ZNF577: variants seen among roughly 807,000 people sequenced by gnomAD.
ZNF577 encodes zinc finger protein 577.
Under a neutral mutation model 13.9 loss-of-function variants are expected in ZNF577, and 14 were observed. That is an observed-to-expected ratio of 1.00 (90% confidence interval 0.66 to 1.57). The LOEUF is 1.57. Ranked by LOEUF, ZNF577 falls within the 40% of genes most tolerant of loss-of-function variation. ZNF577 has a pLI of 0.00. For synonymous variants in ZNF577, 203 were observed against 202.9 expected (o/e 1.00, Z 0.00); for missense variants, 555 against 579.2 (o/e 0.96, Z 0.43).
Position 51,872,619 on chromosome 19 carries a change from T to C in ZNF577, c.1371A>G (p.Glu457=), listed in dbSNP as rs756955736. The C allele has an allele frequency of 1.1e-5, 18 of 1,614,026 alleles. No homozygotes were observed. Among genetic ancestry groups the C allele is most frequent in the Admixed American group, 1.7e-5 (1 of 59,990 alleles). The part of the protein sequence containing the change: ...NQAFVVNQEF[E]QRISLTNEVN... ...CTTCATTTGTGAGGCTTATTCTCTG[T>C]TCAAATTCCTGATTAACTACAAAGG... is the stretch of plus-strand genomic sequence containing the variant. The change falls in exon 6 of 6, where the codon GAA becomes GAG. Residue 457 remains glutamate (E), a synonymous_variant. Coordinates refer to ENST00000638348, the MANE Select transcript of ZNF577 (RefSeq NM_001370449.1).
intron 5 of ZNF577, among the ~76,000 whole-genome samples, chr19:51,857,443 AAAGG>A (rs1337116180): frequency 4.7e-5 from 7 of 149,362 alleles, no homozygotes; most frequent in African/African-American, 1.8e-4. Context: ...AAAAACAAAG[AAAGG>A]AAGGAGAAGA....
chr19:51,841,338 C>A (rs1428659221), intron 8 of ZNF577, among the ~76,000 whole-genome samples: 9 of 152,164 alleles, frequency 5.9e-5, no homozygotes, highest in Admixed American at 5.9e-4. Context: ...AGAGCCACCA[C>A]TCCATGTCTT....
chr19:51,805,606 C>T (rs1194783704), intron 10 of ZNF577, among the ~76,000 whole-genome samples: 1 of 152,174 alleles, frequency 6.6e-6, no homozygotes, highest in Non-Finnish European at 1.5e-5. Context: ...TATACTTGTT[C>T]CCCTAACCAC....
intron 5 of ZNF577, among the ~76,000 whole-genome samples, chr19:51,875,356 T>A (rs2122678625): frequency 1.0e-5 from 1 of 99,478 alleles, no homozygotes; most frequent in East Asian, 2.7e-4. Context: ...AAAGCAAAAC[T>A]CTGTCACAAA....
chr19:51,831,629 T>C (rs1235729569), intron 9 of ZNF577, among the ~76,000 whole-genome samples: 1 of 152,068 alleles, frequency 6.6e-6, no homozygotes, highest in Non-Finnish European at 1.5e-5. Context: ...TTTTTTCTAA[T>C]ATAAACATGA....
chr19:51,883,232 C>T (rs2084891329), intron 1 of ZNF577, among the ~76,000 whole-genome samples: 1 of 151,932 alleles, frequency 6.6e-6, no homozygotes, highest in African/African-American at 2.4e-5. Context: ...ACCTTGTGAT[C>T]CACCTGCCTC....
chr19:51,807,822 G>A (rs549556751), intron 10 of ZNF577, among the ~76,000 whole-genome samples: 78 of 152,332 alleles, frequency 5.1e-4, no homozygotes, highest in East Asian at 7.7e-4. Flanking sequence ...AGAGTCTAAA[G>A]GAACAATAAT....
At chr19:51,864,166 A>G (rs2084533695), downstream of ZNF577, among the ~76,000 whole-genome samples, 1 of 152,220 alleles carries the variant, frequency 6.6e-6, no homozygotes, top group Non-Finnish European at 1.5e-5. Flanking sequence ...GCACCCTGTG[A>G]ATGAGTACAG....
At chr19:51,856,979 C>A (rs2084428945) in intron 5 of ZNF577, among the ~76,000 whole-genome samples, 1 of 152,102 alleles carries the variant, frequency 6.6e-6, no homozygotes, top group Admixed American at 6.5e-5. Flanking sequence ...CATGTAGACA[C>A]CAGCTCCAAC....
intron 5 of ZNF577, among the ~76,000 whole-genome samples, chr19:51,874,949 G>A (rs1484114357): frequency 6.6e-6 from 1 of 152,186 alleles, no homozygotes; most frequent in Non-Finnish European, 1.5e-5. Flanking sequence ...CACCTATGTA[G>A]GTGCTGGTGC....
intron 8 of ZNF577, among the ~76,000 whole-genome samples, chr19:51,841,185 G>A (rs760456923): frequency 5.9e-5 from 9 of 152,116 alleles, no homozygotes; most frequent in East Asian, 1.9e-4. Flanking sequence ...CGCGGGAATC[G>A]CCTCATCCTG....
chr19:51,852,805 ATG>A (rs1013400488), intron 5 of ZNF577, among the ~76,000 whole-genome samples: 1 of 152,308 alleles, frequency 6.6e-6, no homozygotes, highest in East Asian at 1.9e-4. Flanking sequence ...TTAAAATGTC[ATG>A]TGTGTGTAAT....
downstream of ZNF577, among the ~76,000 whole-genome samples, chr19:51,864,851 C>G (rs1416376553): frequency 1.3e-5 from 2 of 152,110 alleles, no homozygotes; most frequent in South Asian, 2.1e-4. Flanking sequence ...GATGAAGCAC[C>G]CTTACGCCCT....
chr19:51,831,072 A>G (rs1478256540), intron 9 of ZNF577, among the ~76,000 whole-genome samples: 1 of 152,018 alleles, frequency 6.6e-6, no homozygotes, highest in Non-Finnish European at 1.5e-5. Context: ...CACTCTACCA[A>G]ATGTCTTAAG....
Position 51,860,884 on chromosome 19 carries a change from T to C in ZNF577, c.284-15953A>G, listed in dbSNP as rs1293061342. The C allele has an allele frequency of 1.0e-5, 4 of 393,722 alleles. No individual in the cohort carries two copies. The Admixed American group carries it at 1.5e-4, about 15-fold the overall frequency. The allele number at this position is 393,722 out of a possible 1,614,324, so 24.4% of individuals were successfully genotyped here. A position where few individuals can be genotyped will look rare whatever the true frequency, so the allele number is the denominator to read the frequency against. On this transcript the variant is annotated intron_variant and NMD_transcript_variant, in intron 5 of 10. Coordinates refer to the ZNF577 transcript ENST00000638827. ...AACAAGATATTCAAAGAGTTTTGAC[T>C]TTCAGATTTTAATTTTTACCTGCAA... is the stretch of plus-strand genomic sequence containing the variant.
In ZNF577 at chr19:51,870,510, C is replaced by T. The variant is rs1157925291; in HGVS notation, c.*2022G>A. Reference sequence around the variant, plus strand: ...TTACTTAAGGTCCACTGTGATTCTCCAAATGTTAGGAGGCGTTTCCACTCC... The same window carrying T: ...TTACTTAAGGTCCACTGTGATTCTCTAAATGTTAGGAGGCGTTTCCACTCC... On this transcript the variant is annotated 3_prime_UTR_variant, in exon 6 of 6. Transcript: ENST00000638348. Among the ~76,000 whole-genome samples, 1 of 152,182 alleles carries T rather than the reference C, an allele frequency of 6.6e-6. No homozygotes were observed. Among genetic ancestry groups the T allele is most frequent in the African/African-American group, 2.4e-5 (1 of 41,440 alleles).
rs1355255536 is a variant in ZNF577 at position 51,871,700 on chromosome 19, T to C, written c.*832A>G. The C allele has an allele frequency of 1.3e-5, 2 of 152,058 alleles. No homozygotes were observed. The highest frequency in any genetic ancestry group is 2.4e-5 in the African/African-American group (1 of 41,390). 9.4% of individuals were successfully genotyped at this position (152,058 alleles called of 1,614,324 possible). Reference sequence around the variant, plus strand: ...GTGTAATCACAAGGGTCCTCAAACATGGAAGAGGGAGACAGAACACTCAAG... The same window carrying C: ...GTGTAATCACAAGGGTCCTCAAACACGGAAGAGGGAGACAGAACACTCAAG... On this transcript the variant is annotated 3_prime_UTR_variant, in exon 6 of 6. Transcript: ENST00000638348.
At chr19:51,819,626 G>C (rs546572260) in intron 9 of ZNF577, among the ~76,000 whole-genome samples, 3 of 152,232 alleles carry the variant, frequency 2.0e-5, no homozygotes, top group African/African-American at 7.2e-5. Context: ...TTAGGAGAGT[G>C]CATTAGCTGG....
intron 5 of ZNF577, among the ~76,000 whole-genome samples, chr19:51,853,873 T>C (rs535999497): frequency 6.6e-6 from 1 of 152,304 alleles, no homozygotes; most frequent in South Asian, 2.1e-4. Flanking sequence ...AGTTGAGGTA[T>C]TTGGGAGTGA....
Sources: allele counts gnomAD v4.1 joint callset (sites outside exome capture counted in the v4.1 genomes callset), GRCh38; gene constraint gnomAD v4.1.1; transcripts MANE v1.5; gene names NCBI Gene and HGNC (gene_info 2026-07-23, HGNC 2026-07-21).